AAK1: variants seen among roughly 807,000 people sequenced by gnomAD.
AAK1 encodes the protein AP2-associated protein kinase 1.
In AAK1, 37 loss-of-function variants were observed where a neutral mutation model predicts 116.0. The observed-to-expected ratio is 0.32, with a 90% CI of 0.25 to 0.42. AAK1 has a LOEUF of 0.42. Ranked by LOEUF, AAK1 falls within the 10% of genes least tolerant of loss-of-function variation. The pLI is 1.00. For missense variants in AAK1, 919 were observed against 1,170.6 expected, an observed-to-expected ratio of 0.79 and a Z score of 3.14; for synonymous variants, 458 against 439.9, an observed-to-expected ratio of 1.04 and a Z score of -0.51.
intron 17 of AAK1, among the ~76,000 whole-genome samples, chr2:69,486,515 A>G (rs1675308140): frequency 6.6e-6 from 1 of 152,126 alleles, no homozygotes; most frequent in African/African-American, 2.4e-5. Context: ...CCAGGCACAA[A>G]GCTGGGAGTG....
At chr2:69,623,033 C>T (rs1002628758) in intron 2 of AAK1, among the ~76,000 whole-genome samples, 2 of 152,112 alleles carry the variant, frequency 1.3e-5, no homozygotes, top group African/African-American at 4.8e-5. Flanking sequence ...CTCAGGTCCC[C>T]TTCCACACCG....
chr2:69,606,869 C>G (rs958327875), intron 2 of AAK1, among the ~76,000 whole-genome samples: 1 of 152,064 alleles, frequency 6.6e-6, no homozygotes. Flanking sequence ...AGTTCAAGAC[C>G]AGCCTGGGCA....
intron 2 of AAK1, among the ~76,000 whole-genome samples, chr2:69,589,725 A>G (rs531707864): frequency 4.6e-5 from 7 of 151,488 alleles, no homozygotes; most frequent in Admixed American, 1.3e-4. Context: ...AAAAAAAAAA[A>G]AAAAGAAAGA....
chr2:69,494,554 CA>C (rs915699620), intron 17 of AAK1, among the ~76,000 whole-genome samples: 11 of 152,218 alleles, frequency 7.2e-5, no homozygotes, highest in African/African-American at 2.4e-4. Flanking sequence ...ATGCCTCCAT[CA>C]CCTCTTTCCC....
chr2:69,502,053 T>C (rs1675999048), intron 16 of AAK1, among the ~76,000 whole-genome samples: 1 of 152,096 alleles, frequency 6.6e-6, no homozygotes, highest in South Asian at 2.1e-4. Flanking sequence ...ATTTTATAAA[T>C]CTAAGTGTTG....
Position 69,475,016 on chromosome 2 carries a change from A to G in AAK1, c.*853T>C. 1 of 973,380 alleles carries G rather than the reference A, an allele frequency of 1.0e-6. No individual in the cohort carries two copies. Among genetic ancestry groups the G allele is most frequent in the Non-Finnish European group, 1.2e-6 (1 of 827,956 alleles). The allele number at this position is 973,380 out of a possible 1,614,324, so 60.3% of individuals were successfully genotyped here. A position where few individuals can be genotyped will look rare whatever the true frequency, so the allele number is the denominator to read the frequency against. ...GAAAAGTCTTCTAATAAAAGGTATC[A>G]TATTACCACCGTCTTGTTTTGGTCT... On this transcript the variant is annotated 3_prime_UTR_variant, in exon 22 of 22. Transcript: ENST00000409085.
chr2:69,517,265 A>G (rs903112159), intron 12 of AAK1, among the ~76,000 whole-genome samples: 2 of 152,214 alleles, frequency 1.3e-5, no homozygotes, highest in African/African-American at 2.4e-5. Flanking sequence ...ACCTCAGGGT[A>G]GCTAAAGAGC....
chr2:69,516,602 G>A (rs566396183), intron 12 of AAK1: 6 of 152,038 alleles, frequency 3.9e-5, no homozygotes, highest in Non-Finnish European at 7.4e-5. Context: ...GATCCTAGAG[G>A]GCAGCATGAT....
In AAK1 at chr2:69,459,389, A is replaced by AGG. The variant is rs1674287435; in HGVS notation, c.*16479_*16480insCC. The AGG allele has an allele frequency of 6.6e-6, 1 of 152,274 alleles. No homozygotes were observed. Among genetic ancestry groups the AGG allele is most frequent in the African/African-American group, 2.4e-5 (1 of 41,394 alleles). 9.4% of individuals were successfully genotyped at this position (152,274 alleles called of 1,614,324 possible). ...AGCCATCCTCCCACCTAAGCCTCCC[A>AGG]AGTAGCTGGGACTACAGGTGTGCAC... On this transcript the variant is annotated 3_prime_UTR_variant, in exon 22 of 22. Transcript: ENST00000409085.
In AAK1 at chr2:69,462,075, A is replaced by C. The variant is rs1459081372; in HGVS notation, c.*13794T>G. 6.6e-6 allele frequency: 1 copy of C among 152,292 alleles called. No individual in the cohort carries two copies. Among genetic ancestry groups the C allele is most frequent in the Non-Finnish European group, 1.5e-5 (1 of 68,246 alleles). 9.4% of individuals were successfully genotyped at this position (152,292 alleles called of 1,614,324 possible). Reference sequence around the variant, plus strand: ...CTGGGCTGTTACAGAGATAATCCTGAATATTTGGAAAGGGGAATTAGAATG... The same window carrying C: ...CTGGGCTGTTACAGAGATAATCCTGCATATTTGGAAAGGGGAATTAGAATG... On this transcript the variant is annotated 3_prime_UTR_variant, in exon 22 of 22. Coordinates refer to ENST00000409085, the MANE Select transcript of AAK1 (RefSeq NM_014911.5).
chr2:69,462,799 T>C lies in AAK1; in HGVS notation c.*13070A>G, dbSNP rs568348860. The C allele has an allele frequency of 6.6e-6, 1 of 152,292 alleles. No individual in the cohort carries two copies. Among genetic ancestry groups the C allele is most frequent in the Non-Finnish European group, 1.5e-5 (1 of 68,026 alleles). The allele number at this position is 152,292 out of a possible 1,614,324, so 9.4% of individuals were successfully genotyped here. A position where few individuals can be genotyped will look rare whatever the true frequency, so the allele number is the denominator to read the frequency against. On this transcript the variant is annotated 3_prime_UTR_variant, in exon 22 of 22. Coordinates refer to ENST00000409085, the MANE Select transcript of AAK1 (RefSeq NM_014911.5). ...CATGGGAAGAATCTGGGGTGCAAAG[T>C]TCCACGTGCATTAGCCGAAATTATT...
intron 17 of AAK1, among the ~76,000 whole-genome samples, chr2:69,488,913 C>T (rs780287881): frequency 1.3e-5 from 2 of 152,054 alleles, no homozygotes; most frequent in African/African-American, 4.8e-5. Context: ...ATAAACTGAC[C>T]AGGCGCAGTG....
At chr2:69,600,362 C>A (rs557062282) in intron 2 of AAK1, among the ~76,000 whole-genome samples, 12 of 148,924 alleles carry the variant, frequency 8.1e-5, no homozygotes, top group Non-Finnish European at 1.3e-4. Context: ...AAAAAAAAAT[C>A]GTGATTCATG....
At position 69,459,110 on chromosome 2, in the gene AAK1, C is replaced by G. The variant is rs1674280750; in HGVS notation, c.*16759G>C. 1 of 152,168 alleles carries G rather than the reference C, an allele frequency of 6.6e-6. No homozygotes were observed. The highest frequency in any genetic ancestry group is 1.5e-5 in the Non-Finnish European group (1 of 68,018). 9.4% of individuals were successfully genotyped at this position (152,168 alleles called of 1,614,324 possible). ...CATGTAGCCATTTTTACCAGCTATTCTAGAGTCCCTTCACACATAAACTTG... is the reference window on the plus strand; with the variant it reads ...CATGTAGCCATTTTTACCAGCTATTGTAGAGTCCCTTCACACATAAACTTG... On this transcript the variant is annotated 3_prime_UTR_variant, in exon 22 of 22. Coordinates refer to ENST00000409085, the MANE Select transcript of AAK1 (RefSeq NM_014911.5).
At chr2:69,629,557 T>A (rs1248772722) in intron 2 of AAK1, among the ~76,000 whole-genome samples, 6 of 152,236 alleles carry the variant, frequency 3.9e-5, no homozygotes, top group African/African-American at 1.4e-4. Context: ...CTCTATAAGA[T>A]TCAATAGTTC....
Position 69,468,023 on chromosome 2 carries a change from G to C in AAK1, c.*7846C>G, listed in dbSNP as rs2104864406. ...TTTTTATTTTCCTTTCTAACAGTTTGAATGCGTTCAGTGAATTCCAGATTG... is the reference window on the plus strand; with the variant it reads ...TTTTTATTTTCCTTTCTAACAGTTTCAATGCGTTCAGTGAATTCCAGATTG... On this transcript the variant is annotated 3_prime_UTR_variant, in exon 22 of 22. Coordinates refer to ENST00000409085, the MANE Select transcript of AAK1 (RefSeq NM_014911.5). 1 of 985,408 alleles carries C rather than the reference G, an allele frequency of 1.0e-6. No individual in the cohort carries two copies. Among genetic ancestry groups the C allele is most frequent in the Middle Eastern group, 5.2e-4 (1 of 1,914 alleles). 61.0% of individuals were successfully genotyped at this position (985,408 alleles called of 1,614,324 possible). A position where few individuals can be genotyped will look rare whatever the true frequency, so the allele number is the denominator to read the frequency against.
intron 10 of AAK1, among the ~76,000 whole-genome samples, chr2:69,522,243 G>A (rs1350420188): frequency 1.3e-5 from 2 of 152,122 alleles, no homozygotes; most frequent in Non-Finnish European, 2.9e-5. Flanking sequence ...TATTTCCAAA[G>A]CATGTTTTGT....
At chr2:69,522,610 C>T (rs1037339604) in intron 10 of AAK1, among the ~76,000 whole-genome samples, 2 of 152,068 alleles carry the variant, frequency 1.3e-5, no homozygotes, top group African/African-American at 2.4e-5. Flanking sequence ...TTGAGACCAG[C>T]CTGGCCAACA....
chr2:69,642,760 G>A (rs1187176372), intron 2 of AAK1, 118 bp downstream of exon 2: 2 of 1,376,488 alleles, frequency 1.5e-6, no homozygotes, highest in Non-Finnish European at 2.0e-6. Context: ...CAGGGCAAGT[G>A]AAGGGGGAAG....
Sources: allele counts gnomAD v4.1 joint callset (sites outside exome capture counted in the v4.1 genomes callset), GRCh38; gene constraint gnomAD v4.1.1; transcripts MANE v1.5; gene names NCBI Gene and HGNC (gene_info 2026-07-23, HGNC 2026-07-21).